Variants in ARMCX4 observed in about 807,000 individuals in gnomAD.
ARMCX4 encodes armadillo repeat containing X-linked 4, also known as armadillo repeat-containing X-linked protein 4.
A neutral mutation model predicts 34.7 loss-of-function variants in ARMCX4; 3 were observed. The ratio of observed to expected loss-of-function variants is 0.09; its 90% CI spans 0.04 to 0.22. ARMCX4 has a LOEUF of 0.22. Ranked by LOEUF, ARMCX4 falls within the 10% of genes least tolerant of loss-of-function variation. The probability of loss-of-function intolerance (pLI) is 1.00; values close to 1 mark genes in which losing one functional copy is unlikely to be tolerated. For synonymous variants in ARMCX4, 513 were observed against 632.8 expected, an observed-to-expected ratio of 0.81 and a Z score of 2.84; for missense variants, 1,448 against 1,720.8, an observed-to-expected ratio of 0.84 and a Z score of 2.81.
intron 4 of ARMCX4, among the ~76,000 whole-genome samples, chrX:101,467,598 C>T (rs1400506306): frequency 1.8e-5 from 2 of 112,122 alleles, no homozygotes; most frequent in Non-Finnish European, 3.8e-5. Flanking sequence ...ATGTTTTTCC[C>T]TCATGGCTAT....
In ARMCX4 at chrX:101,517,358, A is replaced by G. The variant is rs1207612495; in HGVS notation, c.*1780+6303A>G. 3.6e-5 allele frequency among the ~76,000 whole-genome samples: 4 copies of G among 111,858 alleles called. No individual in the cohort carries two copies. The East Asian group carries it at 8.4e-4, about 24-fold the overall frequency. On this transcript the variant is annotated intron_variant and NMD_transcript_variant, in intron 11 of 12. Coordinates refer to the ARMCX4 transcript ENST00000354842. ...TATTACTTTTCTTTTTCTTTTTCTTATTGAGATAGAGTCTCACTGTGTCAC... is the reference window on the plus strand; with the variant it reads ...TATTACTTTTCTTTTTCTTTTTCTTGTTGAGATAGAGTCTCACTGTGTCAC...
downstream of ARMCX4, among the ~76,000 whole-genome samples, chrX:101,496,750 T>C (rs1934186484): frequency 9.0e-6 from 1 of 111,509 alleles, no homozygotes; most frequent in African/African-American, 3.3e-5. Flanking sequence ...TCCCACCCCA[T>C]AGTGAGGGTG....
chrX:101,429,796 C>T (rs1286005119), intron 2 of ARMCX4, among the ~76,000 whole-genome samples: 1 of 111,892 alleles, frequency 8.9e-6, no homozygotes, highest in African/African-American at 3.2e-5. Context: ...CATTAAATAA[C>T]TCTTTTTATT....
rs782797610 is a variant in ARMCX4, at chrX:101,489,329, A to C, written c.740A>C (p.Lys247Thr). 8.2e-5 allele frequency: 95 copies of C among 1,153,493 alleles called. No homozygotes were observed. The highest frequency in any genetic ancestry group is 1.0e-4 in the Non-Finnish European group (89 of 872,053). The part of the protein sequence containing the change: ...RALEETVSVA[K>T]TQSEARPGAT... ...CTGGAAGAGACTGTGAGTGTGGCTA[A>C]GACTCAGTCTGAGGCCAGGCCTGGT... is the stretch of plus-strand genomic sequence containing the variant. Residue 247 changes from lysine to threonine, a missense_variant, in exon 6 of 6, where the codon AAG becomes ACG. Around this residue, in one of 2 missense-constraint regions of ARMCX4, gnomAD observed 1,343 missense variants for 1,540.7 expected, o/e 0.87. Transcript: ENST00000423738.
chrX:101,445,434 C>T (rs1018352161), intron 3 of ARMCX4, among the ~76,000 whole-genome samples: 1 of 111,748 alleles, frequency 8.9e-6, no homozygotes, highest in Non-Finnish European at 1.9e-5. Context: ...TTTCACAGGG[C>T]TTGGCCTTGG....
At chrX:101,460,451 G>T (rs1368892221) in intron 4 of ARMCX4, among the ~76,000 whole-genome samples, 2 of 111,482 alleles carry the variant, frequency 1.8e-5, no homozygotes, top group Non-Finnish European at 3.8e-5. Context: ...TCAGATCAGG[G>T]TATAGGAAGT....
At chrX:101,529,003 C>CA (rs1556021364) in intron 11 of ARMCX4, among the ~76,000 whole-genome samples, 1 of 111,010 alleles carries the variant, frequency 9.0e-6, no homozygotes, top group African/African-American at 3.3e-5. Flanking sequence ...AATATGGAAC[C>CA]AAAAAAGAGC....
chrX:101,516,055 A>C (rs1487889198), intron 11 of ARMCX4, among the ~76,000 whole-genome samples: 3 of 112,151 alleles, frequency 2.7e-5, no homozygotes, highest in African/African-American at 9.7e-5. Flanking sequence ...TTAAGTTTAA[A>C]ATTTTAAATT....
At chrX:101,449,638 A>C (rs912249230), downstream of ARMCX4, among the ~76,000 whole-genome samples, 16 of 111,459 alleles carry the variant, frequency 1.4e-4, no homozygotes, top group African/African-American at 5.2e-4. Context: ...ATTTCTTTGA[A>C]TTTCCTCAAT....
chrX:101,515,393 C>CTTTCTTTCTTTCTTTCTTTCTTTCTTT (rs1556017492), intron 11 of ARMCX4, among the ~76,000 whole-genome samples: 2 of 10,439 alleles, frequency 1.9e-4, no homozygotes, highest in Non-Finnish European at 3.4e-4. Context: ...TTCTTTCTTT[C>CTTTCTTTCTTTCTTTCTTTCTTTCTTT]CCTCCCTCCC....
chrX:101,507,886 C>T (rs782441968), intron 8 of ARMCX4, among the ~76,000 whole-genome samples: 1 of 112,244 alleles, frequency 8.9e-6, no homozygotes, highest in Admixed American at 9.5e-5. Context: ...CAATGATGGA[C>T]AGCATATACA....
chrX:101,528,268 C>T (rs1227459599), intron 11 of ARMCX4, among the ~76,000 whole-genome samples: 6 of 111,300 alleles, frequency 5.4e-5, no homozygotes, highest in African/African-American at 1.3e-4. Context: ...AAAAGGCCTT[C>T]GATAAAATTC....
chrX:101,489,465 C>T lies in ARMCX4; in HGVS notation c.876C>T (p.Asp292=). Residue 292 remains aspartate (D), a synonymous_variant, in exon 6 of 6, where the codon GAC becomes GAT. Coordinates refer to ENST00000423738, the MANE Select transcript of ARMCX4 (RefSeq NM_001256155.3). ...SQAVTKIQGD[D]MPGTGVEDMG... ...CTGTGACCAAGATCCAGGGTGATGA[C>T]ATGCCTGGTACTGGGGTTGAGGACA... The T allele has an allele frequency of 4.3e-6, 5 of 1,154,643 alleles. No individual in the cohort carries two copies. The highest frequency in any genetic ancestry group is 5.7e-6 in the Non-Finnish European group (5 of 871,874).
At chrX:101,521,056 C>T (rs1429811835) in intron 11 of ARMCX4, among the ~76,000 whole-genome samples, 3 of 108,350 alleles carry the variant, frequency 2.8e-5, no homozygotes, top group Admixed American at 1.0e-4. Flanking sequence ...CTCAGCCTCC[C>T]GAGTAGCTGG....
chrX:101,483,684 T>C (rs1172521998), upstream of ARMCX4, among the ~76,000 whole-genome samples: 1 of 111,736 alleles, frequency 8.9e-6, no homozygotes, highest in Non-Finnish European at 1.9e-5. Context: ...CAGTCAATGT[T>C]TATGGTTTTT....
At chrX:101,423,082 G>T (rs1929376185) in intron 2 of ARMCX4, among the ~76,000 whole-genome samples, 1 of 107,473 alleles carries the variant, frequency 9.3e-6, no homozygotes, top group Non-Finnish European at 1.9e-5. Context: ...GCTAATCTTT[G>T]TATTTTTACT....
Position 101,490,608 on chromosome X carries a change from G to A in ARMCX4, c.2019G>A (p.Met673Ile). The A allele has an allele frequency of 8.6e-7, 1 of 1,156,574 alleles. No individual in the cohort carries two copies. Among genetic ancestry groups the A allele is most frequent in the Non-Finnish European group, 1.1e-6 (1 of 873,108 alleles). The part of the protein sequence containing the change: ...GAMGTAQLQI[M>I]ASSKGEALLD... ...TGGGCACTGCCCAGCTTCAGATTAT[G>A]GCCAGTTCCAAGGGTGAGGCCTTGC... Residue 673 changes from methionine (M) to isoleucine (I), a missense_variant, in exon 6 of 6, where the codon ATG becomes ATA. Transcript: ENST00000423738.
intron 2 of ARMCX4, among the ~76,000 whole-genome samples, chrX:101,442,234 T>C (rs184052267): frequency 8.9e-6 from 1 of 112,289 alleles, no homozygotes; most frequent in African/African-American, 3.2e-5. Context: ...TGCTCCAAGA[T>C]AGGCCTCGAG....
intron 8 of ARMCX4, among the ~76,000 whole-genome samples, chrX:101,506,721 T>C (rs1328992126): frequency 9.0e-6 from 1 of 111,179 alleles, no homozygotes; most frequent in Non-Finnish European, 1.9e-5. Context: ...CAGTCCATAA[T>C]GGTTCTCAAG....
Sources: gnomAD v4.1 joint callset for allele counts (sites outside exome capture counted in the v4.1 genomes callset) on GRCh38, gnomAD v4.1.1 for gene constraint, gnomAD v4.1.1 regional missense constraint, MANE v1.5 for transcripts, NCBI Gene and HGNC (gene_info 2026-07-23, HGNC 2026-07-21) for gene names.